Variants in CRTAC1 observed in about 807,000 individuals in gnomAD.
CRTAC1 encodes cartilage acidic protein 1.
A neutral mutation model predicts 67.8 loss-of-function variants in CRTAC1; 37 were observed. The observed-to-expected ratio is 0.55, with a 90% CI of 0.42 to 0.72. The LOEUF is 0.72. Ranked by LOEUF, CRTAC1 falls within the 30% of genes least tolerant of loss-of-function variation. The pLI is 0.00. For missense variants in CRTAC1, 780 were observed against 931.6 expected (o/e 0.84, Z 2.12); for synonymous variants, 348 against 371.0 (o/e 0.94, Z 0.71).
In CRTAC1 at chr10:98,030,329, C is replaced by A; in HGVS notation, c.24+120G>T. On this transcript the variant is annotated intron_variant, in intron 1 of 14. Coordinates refer to ENST00000370597, the MANE Select transcript of CRTAC1 (RefSeq NM_018058.7). This position sits in a 1 kb window ranked among gnomAD's most constrained non-coding sequence, Gnocchi z 4.2. ...AGCGAAGCCGCCGCCTTCGCGATCC[C>A]AGTCTTCCCGGGTTCCCGGGCGGCG... 1 of 607,252 alleles carries A rather than the reference C, an allele frequency of 1.6e-6. No homozygotes were observed. Among genetic ancestry groups the A allele is most frequent in the Non-Finnish European group, 2.5e-6 (1 of 406,196 alleles). 37.6% of individuals were successfully genotyped at this position (607,252 alleles called of 1,614,324 possible).
intron 3 of CRTAC1, among the ~76,000 whole-genome samples, chr10:97,928,198 G>A (rs2050950948): frequency 1.3e-5 from 1 of 75,694 alleles, no homozygotes; most frequent in Admixed American, 1.7e-4. Flanking sequence ...AAGGAGACTT[G>A]AAGGTCTCAG....
intron 2 of CRTAC1, among the ~76,000 whole-genome samples, chr10:97,989,006 G>A (rs1461262532): frequency 6.6e-6 from 1 of 152,214 alleles, no homozygotes; most frequent in East Asian, 1.9e-4. Flanking sequence ...GAGGGCATGA[G>A]TAGAAAAACA....
intron 1 of CRTAC1, among the ~76,000 whole-genome samples, chr10:98,026,903 G>A (rs1444085106): frequency 1.3e-5 from 2 of 151,990 alleles, no homozygotes; most frequent in Non-Finnish European, 2.9e-5. Context: ...AAGGGGGCCG[G>A]GCGCGGTGGC....
chr10:97,901,406 G>T, intron 8 of CRTAC1, 97 bp downstream of exon 8: 1 of 1,505,082 alleles, frequency 6.6e-7, no homozygotes, highest in South Asian at 1.2e-5. Context: ...CCCTGGCCCT[G>T]GGAACCCTCC....
chr10:98,002,775 T>G lies in CRTAC1; in HGVS notation c.224+8363A>C, dbSNP rs1162391283. Among the ~76,000 whole-genome samples the G allele has an allele frequency of 5.3e-3, 563 of 105,658 alleles. 21 individuals carry two copies. The highest frequency in any genetic ancestry group is 0.022 in the African/African-American group (503 of 23,118). 69.3% of individuals were successfully genotyped at this position (105,658 alleles called of 152,430 possible). Reference sequence around the variant, plus strand: ...TACAAAACTCACTTTTTTTTTTTTTTTTTTTTTTTTTTTTTTTTTTTTTGA... The same window carrying G: ...TACAAAACTCACTTTTTTTTTTTTTGTTTTTTTTTTTTTTTTTTTTTTTGA... On this transcript the variant is annotated intron_variant, in intron 2 of 14. Transcript: ENST00000370597.
At chr10:97,913,597 G>T (rs960560918) in intron 5 of CRTAC1, among the ~76,000 whole-genome samples, 1 of 152,272 alleles carries the variant, frequency 6.6e-6, no homozygotes, top group South Asian at 2.1e-4. Context: ...TAAAAGAAAC[G>T]CAATGTTCCC....
chr10:97,985,367 T>G (rs2051963021), intron 2 of CRTAC1, among the ~76,000 whole-genome samples: 1 of 152,222 alleles, frequency 6.6e-6, no homozygotes, highest in South Asian at 2.1e-4. Flanking sequence ...GGAATCTTTC[T>G]TCTTTATCTC....
chr10:97,936,454 C>G (rs1738928694), intron 2 of CRTAC1, 88 bp from the exon 3 acceptor site: 2 of 1,065,094 alleles, frequency 1.9e-6, no homozygotes, highest in African/African-American at 3.1e-5. Context: ...TGGGAGTCCT[C>G]CCGGACACGC....
chr10:97,985,237 A>T (rs114777721), intron 2 of CRTAC1, among the ~76,000 whole-genome samples: 2 of 152,214 alleles, frequency 1.3e-5, no homozygotes, highest in Non-Finnish European at 2.9e-5. Context: ...AAGCCCTGTT[A>T]TTCTTCTTCC....
At chr10:97,929,233 T>C (rs914657586) in intron 3 of CRTAC1, among the ~76,000 whole-genome samples, 1 of 152,020 alleles carries the variant, frequency 6.6e-6, no homozygotes, top group Non-Finnish European at 1.5e-5. Context: ...CATGACTGCT[T>C]ACAGAATAGA....
chr10:97,907,889 G>A (rs2296416), intron 6 of CRTAC1, 124 bp downstream of exon 6: 67,863 of 1,025,806 alleles, frequency 0.066, 2,533 homozygotes, highest in South Asian at 0.11. Context: ...TGGTGCAGAC[G>A]ATGACTTGCC....
chr10:97,969,184 C>G (rs1035554128), intron 2 of CRTAC1, among the ~76,000 whole-genome samples: 6 of 152,194 alleles, frequency 3.9e-5, no homozygotes, highest in Admixed American at 1.3e-4. Flanking sequence ...GATGCCTGTA[C>G]CATCCCAGCT....
intron 2 of CRTAC1, among the ~76,000 whole-genome samples, chr10:97,982,132 C>T (rs1438543277): frequency 2.0e-5 from 3 of 152,108 alleles, no homozygotes; most frequent in African/African-American, 4.8e-5. Context: ...TCTTTCATAC[C>T]TTATCTGATT....
chr10:97,870,663 A>T (rs2050082605), intron 14 of CRTAC1: 2 of 152,344 alleles, frequency 1.3e-5, no homozygotes, highest in South Asian at 4.1e-4. Context: ...GACACACTTG[A>T]AATTAACGTT....
chr10:97,901,514 G>T lies in CRTAC1; in HGVS notation c.1122C>A (p.Asn374Lys). The change falls in exon 8 of 15, where the codon AAC becomes AAA. Residue 374 changes from asparagine (N) to lysine (K), a missense_variant. Asn to Lys is a moderately conservative substitution (Grantham distance 94). Transcript: ENST00000370597. ...GATGGAGCATCTACCGGAAGAGGCG[G>T]TTGGCTGAGGAGCTGCGGTAGGCAA... ...NNIAYRSSSA[N>K]RLFRVIRREH... The T allele has an allele frequency of 1.2e-6, 2 of 1,614,206 alleles. No individual in the cohort carries two copies. Among genetic ancestry groups the T allele is most frequent in the South Asian group, 2.2e-5 (2 of 91,076 alleles).
At chr10:97,923,488 A>C in intron 3 of CRTAC1, 88 bp from the exon 4 acceptor site, 1 of 1,549,654 alleles carries the variant, frequency 6.5e-7, no homozygotes, top group Non-Finnish European at 8.8e-7. Flanking sequence ...CACCTTTCAC[A>C]AGGTGGTTGG....
At position 98,029,975 on chromosome 10, in the gene CRTAC1, G is replaced by A. The variant is rs1319544795; in HGVS notation, c.24+474C>T. ...CCCAGGGGAGGAAGAGCCAGCCCGC[G>A]GGGCTCTTCCCCAGCCTGGAAGCGT... is the stretch of plus-strand genomic sequence containing the variant. On this transcript the variant is annotated intron_variant, in intron 1 of 14. Transcript: ENST00000370597. The surrounding 1 kb of genome is among the most constrained non-coding windows in gnomAD (Gnocchi z 4.7). Among the ~76,000 whole-genome samples, 1 of 152,134 alleles carries A rather than the reference G, an allele frequency of 6.6e-6. No individual in the cohort carries two copies. Among genetic ancestry groups the A allele is most frequent in the African/African-American group, 2.4e-5 (1 of 41,450 alleles).
intron 4 of CRTAC1, 98 bp downstream of exon 4, chr10:97,923,166 G>T (rs967419300): frequency 1.4e-5 from 20 of 1,434,144 alleles, no homozygotes; most frequent in Non-Finnish European, 1.9e-5. Flanking sequence ...CCAAGACACC[G>T]CGGGAGACGC....
chr10:98,023,814 G>A (rs1438758061), intron 1 of CRTAC1, among the ~76,000 whole-genome samples: 2 of 152,200 alleles, frequency 1.3e-5, no homozygotes, highest in Non-Finnish European at 1.5e-5. Flanking sequence ...GGAAGGGAGG[G>A]ATGTCACCTC....
Sources: gnomAD v4.1 joint callset for allele counts (sites outside exome capture counted in the v4.1 genomes callset) on GRCh38, gnomAD v4.1.1 for gene constraint, Gnocchi (gnomAD v3.1) non-coding constraint, MANE v1.5 for transcripts, NCBI Gene and HGNC (gene_info 2026-07-23, HGNC 2026-07-21) for gene names.